Variants in CDH4 observed in about 807,000 individuals in gnomAD.
The protein encoded by CDH4 is cadherin-4.
Under a neutral mutation model 86.0 loss-of-function variants are expected in CDH4, and 33 were observed. The ratio of observed to expected loss-of-function variants is 0.38; its 90% confidence interval spans 0.29 to 0.51. The LOEUF is 0.51. Ranked by LOEUF, CDH4 falls within the 20% of genes least tolerant of loss-of-function variation. The pLI is 0.86. For synonymous variants in CDH4, 555 were observed against 549.4 expected (o/e 1.01, Z -0.14); for missense variants, 1,114 against 1,307.4 (o/e 0.85, Z 2.28).
At chr20:61,617,327 G>T (rs1325377282) in intron 2 of CDH4, among the ~76,000 whole-genome samples, 1 of 152,188 alleles carries the variant, frequency 6.6e-6, no homozygotes, top group Non-Finnish European at 1.5e-5. Context: ...GTGGGGCAGT[G>T]CTCAGTGAGC....
At chr20:61,628,622 G>A (rs2086854553) in intron 2 of CDH4, among the ~76,000 whole-genome samples, 1 of 152,222 alleles carries the variant, frequency 6.6e-6, no homozygotes, top group Admixed American at 6.5e-5. Context: ...CCACAGGCCG[G>A]GCATCTGGAG....
intron 2 of CDH4, among the ~76,000 whole-genome samples, chr20:61,632,194 AGT>A (rs1365516045): frequency 6.6e-6 from 1 of 152,194 alleles, no homozygotes; most frequent in Non-Finnish European, 1.5e-5. Context: ...TGGGGCGGAG[AGT>A]GAAGCGCAGG....
chr20:61,889,574 A>G (rs184269945), intron 7 of CDH4, among the ~76,000 whole-genome samples: 2 of 144,714 alleles, frequency 1.4e-5, no homozygotes, highest in East Asian at 2.1e-4. Context: ...AGATGGATCG[A>G]TGATGAATGA....
intron 3 of CDH4, among the ~76,000 whole-genome samples, chr20:61,746,250 G>A (rs1416714639): frequency 6.6e-6 from 1 of 152,260 alleles, no homozygotes. Flanking sequence ...TGTCCCATGG[G>A]GGCCATGGGG....
intron 2 of CDH4, among the ~76,000 whole-genome samples, chr20:61,331,308 G>T (rs1268446655): frequency 6.6e-6 from 1 of 152,008 alleles, no homozygotes; most frequent in African/African-American, 2.4e-5. Context: ...CCTCCCCATG[G>T]TGGTCAGGAG....
At chr20:61,658,955 C>T (rs751206704) in intron 2 of CDH4, among the ~76,000 whole-genome samples, 2 of 152,130 alleles carry the variant, frequency 1.3e-5, no homozygotes, top group African/African-American at 2.4e-5. Context: ...CTGTGGCCCC[C>T]GGAGCAGCGG....
At chr20:61,602,422 G>A (rs1336508157) in intron 2 of CDH4, among the ~76,000 whole-genome samples, 2 of 152,132 alleles carry the variant, frequency 1.3e-5, no homozygotes, top group African/African-American at 2.4e-5. Flanking sequence ...CCACTGTCAT[G>A]AACAGCTGGA....
At chr20:61,301,323 C>T (rs900301188) in intron 2 of CDH4, among the ~76,000 whole-genome samples, 18 of 152,222 alleles carry the variant, frequency 1.2e-4, no homozygotes, top group Middle Eastern at 3.2e-3. Context: ...GTGGTGCCAG[C>T]GGTGGTGCCC....
chr20:61,657,928 G>A (rs1045359549), intron 2 of CDH4, among the ~76,000 whole-genome samples: 1 of 152,172 alleles, frequency 6.6e-6, no homozygotes, highest in African/African-American at 2.4e-5. Flanking sequence ...TTAGAGGCTC[G>A]TCACCGGTGG....
At chr20:61,872,138 C>T (rs1983832490) in intron 6 of CDH4, among the ~76,000 whole-genome samples, 2 of 152,338 alleles carry the variant, frequency 1.3e-5, no homozygotes, top group East Asian at 1.9e-4. Flanking sequence ...GAGGCCGCCC[C>T]GCACCCTGGG....
At chr20:61,565,203 T>TGGTGGTGGTGGTG (rs1568688363) in intron 2 of CDH4, among the ~76,000 whole-genome samples, 1 of 32,138 alleles carries the variant, frequency 3.1e-5, no homozygotes, top group Non-Finnish European at 6.0e-5. Context: ...TTGGTGGTGG[T>TGGTGGTGGTGGTG]CGCGGTGCTC....
chr20:61,781,594 G>A (rs62204656), intron 4 of CDH4, among the ~76,000 whole-genome samples: 19,871 of 152,194 alleles, frequency 0.13, 1,657 homozygotes, highest in East Asian at 0.33. Flanking sequence ...CCTGAAGAAG[G>A]AGGAGAAGTG....
At chr20:61,292,918 CCCA>C (rs1205870970) in intron 2 of CDH4, among the ~76,000 whole-genome samples, 1 of 152,126 alleles carries the variant, frequency 6.6e-6, no homozygotes, top group African/African-American at 2.4e-5. Context: ...GGGAGGAAGC[CCCA>C]CAAGGCAGGC....
chr20:61,887,595 AATACATTTCTTTCCT>A (rs1417136191), intron 7 of CDH4, among the ~76,000 whole-genome samples: 1 of 152,260 alleles, frequency 6.6e-6, no homozygotes, highest in African/African-American at 2.4e-5. Flanking sequence ...TATAGAAAAG[AATACATTTCTTTCCT>A]ATACATTGAA....
chr20:61,440,048 C>T (rs759997858), intron 2 of CDH4, among the ~76,000 whole-genome samples: 1 of 152,206 alleles, frequency 6.6e-6, no homozygotes, highest in Non-Finnish European at 1.5e-5. Flanking sequence ...CATAAAGCCT[C>T]AGTGCAATGG....
intron 15 of CDH4, 136 bp downstream of exon 15, chr20:61,934,356 G>A: frequency 1.1e-6 from 1 of 921,414 alleles, no homozygotes; most frequent in Non-Finnish European, 1.5e-6. Context: ...CCGGGTTCCA[G>A]GCCCTGCTCT....
At chr20:61,477,771 G>C (rs983898990) in intron 2 of CDH4, among the ~76,000 whole-genome samples, 1 of 152,124 alleles carries the variant, frequency 6.6e-6, no homozygotes, top group African/African-American at 2.4e-5. Flanking sequence ...CCTCCTCTTG[G>C]AACAGCTCAT....
intron 2 of CDH4, among the ~76,000 whole-genome samples, chr20:61,397,809 G>A (rs2085026626): frequency 6.6e-6 from 1 of 152,210 alleles, no homozygotes; most frequent in South Asian, 2.1e-4. Flanking sequence ...TGGACACATG[G>A]ATTGGACAAA....
intron 2 of CDH4, among the ~76,000 whole-genome samples, chr20:61,289,073 G>A (rs1048591296): frequency 4.6e-5 from 7 of 152,244 alleles, no homozygotes; most frequent in African/African-American, 1.7e-4. Flanking sequence ...GGCAGAAGTT[G>A]TTTCTTCCCT....
Sources: allele counts gnomAD v4.1 joint callset (sites outside exome capture counted in the v4.1 genomes callset), GRCh38; gene constraint gnomAD v4.1.1; transcripts MANE v1.5; gene names NCBI Gene and HGNC (gene_info 2026-07-23, HGNC 2026-07-21).